Variants in ANXA8L1 observed in about 807,000 individuals in gnomAD.
ANXA8L1 encodes the protein annexin A8 like 1.
In ANXA8L1, 10 loss-of-function variants were observed where a neutral mutation model predicts 22.5. The ratio of observed to expected loss-of-function variants is 0.44; its 90% CI spans 0.27 to 0.75. ANXA8L1 has a LOEUF of 0.75. ANXA8L1 is among the 30% of genes least tolerant of loss of function. The probability of loss-of-function intolerance (pLI) is 0.15; values close to 1 mark genes in which losing one functional copy is unlikely to be tolerated. For missense variants in ANXA8L1, 88 were observed against 219.6 expected, an observed-to-expected ratio of 0.40 and a Z score of 3.79; for synonymous variants, 36 against 86.0, an observed-to-expected ratio of 0.42 and a Z score of 3.22.
At chr10:46,383,350 G>A (rs1839999109) in intron 4 of ANXA8L1, 106 bp from the exon 5 acceptor site, 1 of 1,046,296 alleles carries the variant, frequency 9.6e-7, no homozygotes, top group African/African-American at 1.7e-5. Context: ...AGTGGGGCAG[G>A]GCAGTGAGGT....
intron 3 of ANXA8L1, 177 bp downstream of exon 3, chr10:46,381,417 C>T: frequency 1.3e-6 from 1 of 778,976 alleles, no homozygotes; most frequent in South Asian, 1.5e-5. Context: ...ATGTAACTGG[C>T]TGCCCTGTGT....
intron 7 of ANXA8L1, 151 bp downstream of exon 7, chr10:46,384,984 G>A: frequency 1.6e-6 from 2 of 1,288,912 alleles, no homozygotes; most frequent in Non-Finnish European, 2.2e-6. Context: ...GGGGAGGAGA[G>A]TGAGGGTGTT....
rs1287684486 is a variant in ANXA8L1, at chr10:46,384,777, A to G, written c.496A>G (p.Ser166Gly). ...ERILVCLLQG[S>G]RDDVSSFVDP... Reference sequence around the variant, plus strand: ...GAGCCACCTCCTCTGTTCCTAGGGCAGCAGGGATGATGTGAGCAGCTTTGT... The same window carrying G: ...GAGCCACCTCCTCTGTTCCTAGGGCGGCAGGGATGATGTGAGCAGCTTTGT... Residue 166 changes from serine (S) to glycine (G), a missense_variant, in exon 7 of 12, where the codon AGC (serine) becomes GGC (glycine). Transcript: ENST00000619162. 507 of 1,613,228 alleles carry G rather than the reference A, an allele frequency of 3.1e-4. 8 individuals are homozygous for G. In the African/African-American group the frequency reaches 6.0e-3, roughly 19 times the overall value.
intron 1 of ANXA8L1, among the ~76,000 whole-genome samples, chr10:46,377,942 C>G: frequency 9.0e-6 from 1 of 111,228 alleles, no homozygotes; most frequent in East Asian, 2.1e-4. Context: ...CTGGGCAAGA[C>G]CCTGCAGGAG....
intron 3 of ANXA8L1, 120 bp from the exon 4 acceptor site, chr10:46,382,459 C>A: frequency 1.4e-6 from 1 of 696,032 alleles, no homozygotes; most frequent in Non-Finnish European, 2.2e-6. Context: ...ACCCAGCCAG[C>A]ACGTGGCAAG....
chr10:46,385,538 G>T lies in ANXA8L1; in HGVS notation c.646+65G>T, dbSNP rs1282378632. 1.6e-6 allele frequency: 2 copies of T among 1,236,966 alleles called. 1 individual carries two copies. The highest frequency in any genetic ancestry group is 4.2e-5 in the African/African-American group (2 of 47,520). 76.6% of individuals were successfully genotyped at this position (1,236,966 alleles called of 1,614,324 possible). Reference sequence around the variant, plus strand: ...TGTCCTGGCCATGAGCCTCTCCCTCGTGCTTCTGCCTTGTCAAGTCTAGAG... The same window carrying T: ...TGTCCTGGCCATGAGCCTCTCCCTCTTGCTTCTGCCTTGTCAAGTCTAGAG... On this transcript the variant is annotated intron_variant, in intron 8 of 11. Coordinates refer to ENST00000619162, the MANE Select transcript of ANXA8L1 (RefSeq NM_001098845.3).
chr10:46,383,496 C>A lies in ANXA8L1; in HGVS notation c.362C>A (p.Ala121Asp). 1.0e-6 allele frequency: 1 copy of A among 957,852 alleles called. No individual in the cohort carries two copies. The highest frequency in any genetic ancestry group is 1.5e-6 in the Non-Finnish European group (1 of 669,026). 59.3% of individuals were successfully genotyped at this position (957,852 alleles called of 1,614,324 possible). ...GAGGGTGTCATCATTGAGATCCTGG[C>A]CTCTCGGACCAAGAACCAGCTGCGG... ...TKEGVIIEIL[A>D]SRTKNQLREI... is the part of the protein sequence containing the mutation. The change falls in exon 5 of 12, where the codon GCC becomes GAC. Residue 121 changes from alanine to aspartate, a missense_variant. By Grantham distance (126) the Ala-to-Asp change is moderately radical. Coordinates refer to ENST00000619162, the MANE Select transcript of ANXA8L1 (RefSeq NM_001098845.3).
rs1206116505 is a variant in ANXA8L1 at position 46,389,461 on chromosome 10, C to A, written c.924+946C>A. 6.7e-5 allele frequency among the ~76,000 whole-genome samples: 10 copies of A among 148,534 alleles called. No homozygotes were observed. The South Asian group carries it at 8.6e-4, about 13-fold the overall frequency. On this transcript the variant is annotated intron_variant, in intron 11 of 11. Coordinates refer to ENST00000619162, the MANE Select transcript of ANXA8L1 (RefSeq NM_001098845.3). ...AGATTTCTACAGATACATGAAGCCA[C>A]CCTCTTCAAATTTTATCTAATGTTG...
chr10:46,389,554 C>T (rs1840053075), intron 11 of ANXA8L1, among the ~76,000 whole-genome samples: 1 of 151,170 alleles, frequency 6.6e-6, no homozygotes, highest in African/African-American at 2.5e-5. Context: ...GTGTAGACCA[C>T]AGATGTCATT....
chr10:46,383,653 T>C, intron 5 of ANXA8L1, 107 bp downstream of exon 5: 1 of 298,704 alleles, frequency 3.3e-6, no homozygotes, highest in Non-Finnish European at 5.9e-6. Flanking sequence ...AAAGGACCCT[T>C]TGGGGACTTT....
intron 1 of ANXA8L1, among the ~76,000 whole-genome samples, chr10:46,378,876 CG>C (rs1839962151): frequency 7.5e-6 from 1 of 133,588 alleles, no homozygotes; most frequent in Non-Finnish European, 1.6e-5. Flanking sequence ...CCCAGGGCTT[CG>C]ATGGATGGAT....
At chr10:46,390,398 G>A (rs1205286499) in intron 11 of ANXA8L1, among the ~76,000 whole-genome samples, 4 of 121,338 alleles carry the variant, frequency 3.3e-5, no homozygotes, top group Non-Finnish European at 5.2e-5. Context: ...GAAGGGGCTT[G>A]CCTCGGCCAC....
intron 7 of ANXA8L1, 59 bp from the exon 8 acceptor site, chr10:46,385,321 C>T: frequency 1.6e-6 from 1 of 629,164 alleles, no homozygotes; most frequent in Non-Finnish European, 2.5e-6. Context: ...GACTCTGGGG[C>T]TCAGTCCCTC....
chr10:46,390,269 T>G (rs1487285157), intron 11 of ANXA8L1, among the ~76,000 whole-genome samples: 1 of 149,924 alleles, frequency 6.7e-6, no homozygotes, highest in African/African-American at 2.5e-5. Flanking sequence ...GTGGACCCGA[T>G]GTGAGCCAGA....
At chr10:46,384,713 C>G (rs1180606216) in intron 6 of ANXA8L1, 61 bp from the exon 7 acceptor site, 27 of 1,612,112 alleles carry the variant, frequency 1.7e-5, no homozygotes, top group Non-Finnish European at 1.8e-5. Flanking sequence ...AGGATCCCCC[C>G]TGTGCCCTTA....
At chr10:46,384,503 C>T (rs1470295873) in intron 6 of ANXA8L1, among the ~76,000 whole-genome samples, 7 of 110,566 alleles carry the variant, frequency 6.3e-5, no homozygotes, top group Non-Finnish European at 1.3e-4. Flanking sequence ...ATCCTGGAAG[C>T]GGGAGGAGAG....
rs1241138955 is a variant in ANXA8L1, at chr10:46,381,067, G to T, written c.113-79G>T. The T allele has an allele frequency of 2.2e-5, 9 of 401,184 alleles. 1 individual carries two copies. Among genetic ancestry groups the T allele is most frequent in the Non-Finnish European group, 3.7e-5 (9 of 246,016 alleles). The allele number at this position is 401,184 out of a possible 1,614,324, so 24.9% of individuals were successfully genotyped here. A position where few individuals can be genotyped will look rare whatever the true frequency, so the allele number is the denominator to read the frequency against. On this transcript the variant is annotated intron_variant, in intron 2 of 11. Transcript: ENST00000619162. ...CCAACTGCTCAGCCACCAAGCAGCTGCCTTCGCCTTCCCCTCCTCCGCCCT... is the reference window on the plus strand; with the variant it reads ...CCAACTGCTCAGCCACCAAGCAGCTTCCTTCGCCTTCCCCTCCTCCGCCCT...
chr10:46,391,069 AGCCGGGTTTCTG>A lies in ANXA8L1; in HGVS notation c.*140_*151del, dbSNP rs1840080292. Reference sequence around the variant, plus strand: ...TATTTCCCTATTTCCAGTGCTTTCCAGCCGGGTTTCTGACCCAGAGGGTGGAACCGGCCTGGA... The same window carrying A: ...TATTTCCCTATTTCCAGTGCTTTCCAACCCAGAGGGTGGAACCGGCCTGGA... On this transcript the variant is annotated 3_prime_UTR_variant, in exon 12 of 12. Transcript: ENST00000619162. 6 of 722,740 alleles carry A rather than the reference AGCCGGGTTTCTG, an allele frequency of 8.3e-6. No homozygotes were observed. The South Asian group carries it at 1.2e-4, about 14-fold the overall frequency. 44.8% of individuals were successfully genotyped at this position (722,740 alleles called of 1,614,324 possible).
intron 11 of ANXA8L1, among the ~76,000 whole-genome samples, chr10:46,390,531 C>T (rs1399300901): frequency 1.2e-4 from 17 of 145,998 alleles, no homozygotes; most frequent in African/African-American, 3.6e-4. Flanking sequence ...AATGATGCAT[C>T]GTGTTGTGTA....
Sources: allele counts gnomAD v4.1 joint callset (sites outside exome capture counted in the v4.1 genomes callset), GRCh38; gene constraint gnomAD v4.1.1; transcripts MANE v1.5; gene names NCBI Gene and HGNC (gene_info 2026-07-23, HGNC 2026-07-21).